Variants in C16orf89 observed in about 807,000 individuals in gnomAD.
The protein encoded by C16orf89 is chromosome 16 open reading frame 89, also known as UPF0764 protein C16orf89.
Under a neutral mutation model 41.5 loss-of-function variants are expected in C16orf89, and 57 were observed. The observed-to-expected ratio is 1.38, with a 90% CI of 1.11 to 1.71. The LOEUF (loss-of-function observed/expected upper bound fraction) is 1.71. C16orf89 is among the 40% of genes most tolerant of loss of function. The probability of loss-of-function intolerance (pLI) is 0.00; values close to 1 mark genes in which losing one functional copy is unlikely to be tolerated. For missense variants in C16orf89, 575 were observed against 445.9 expected (o/e 1.29, Z -2.61); for synonymous variants, 223 against 190.6 (o/e 1.17, Z -1.40).
intron 5 of C16orf89, 195 bp from the exon 6 acceptor site, chr16:5,055,545 G>A (rs147673703): frequency 1.7e-5 from 17 of 1,019,506 alleles, no homozygotes; most frequent in African/African-American, 8.1e-5. Context: ...CTTGTGTCCC[G>A]CCTCCCACTG....
chr16:5,043,705 A>G (rs56373587), downstream of C16orf89: 28,165 of 152,110 alleles, frequency 0.19, 2,696 homozygotes, highest in African/African-American at 0.22. Flanking sequence ...ATAGCCTTTA[A>G]GATATCAGTT....
At chr16:5,051,792 C>T (rs1328418689) in intron 6 of C16orf89, among the ~76,000 whole-genome samples, 1 of 152,124 alleles carries the variant, frequency 6.6e-6, no homozygotes, top group Non-Finnish European at 1.5e-5. Context: ...TCAAAATATG[C>T]TTCAAGGCTA....
chr16:5,051,440 A>G (rs913120990), intron 6 of C16orf89, among the ~76,000 whole-genome samples: 2 of 152,192 alleles, frequency 1.3e-5, no homozygotes, highest in African/African-American at 4.8e-5. Context: ...TCAAGAATGT[A>G]ATCCTATTTA....
intron 5 of C16orf89, 53 bp downstream of exon 5, chr16:5,056,000 T>TGTGTGTGTGTGTGTGTGTGTGTGTGTGTG (rs1956493569): frequency 9.1e-7 from 1 of 1,102,872 alleles, no homozygotes; most frequent in South Asian, 1.4e-5. Context: ...TGTGTGTGTG[T>TGTGTGTGTGTGTGTGTGTGTGTGTGTGTG]TGGTGGGGGG....
intron 3 of C16orf89, 24 bp from the exon 4 acceptor site, chr16:5,058,634 G>A (rs985800979): frequency 3.2e-6 from 5 of 1,565,052 alleles, no homozygotes; most frequent in Non-Finnish European, 4.4e-6. Context: ...GTTCCAAGCT[G>A]TTAAGGATGG....
rs1567159519 is a variant in C16orf89 at position 5,061,501 on chromosome 16, A to AG, written c.358+923_358+924insC. ...CACTGTCTCAAAAAAAAAAAAAAAA[A>AG]AAACCCCCCCAAAAAAAAAAACAAG... On this transcript the variant is annotated intron_variant, in intron 2 of 7. Coordinates refer to ENST00000472572, the MANE Select transcript of C16orf89 (RefSeq NM_001098514.3). Among the ~76,000 whole-genome samples the AG allele has an allele frequency of 5.6e-5, 5 of 88,902 alleles. 1 individual carries two copies. The highest frequency in any genetic ancestry group is 1.9e-4 in the African/African-American group (4 of 21,524). 58.3% of individuals were successfully genotyped at this position (88,902 alleles called of 152,430 possible). A position where few individuals can be genotyped will look rare whatever the true frequency, so the allele number is the denominator to read the frequency against.
Position 5,056,075 on chromosome 16 carries a change from G to A in C16orf89, c.741C>T (p.Thr247=). 1 of 1,595,976 alleles carries A rather than the reference G, an allele frequency of 6.3e-7. No individual in the cohort carries two copies. The highest frequency in any genetic ancestry group is 8.6e-7 in the Non-Finnish European group (1 of 1,164,956). ...RAEAIGYAYP[T]RDIFMENIMF... ...TACTGTTTTCCATGAAGATGTCCCGGGTAGGGTAGGCGTATCCGATGGCCT... is the reference window on the plus strand; with the variant it reads ...TACTGTTTTCCATGAAGATGTCCCGAGTAGGGTAGGCGTATCCGATGGCCT... Residue 247 remains threonine (T), a synonymous_variant, in exon 5 of 8, where the codon ACC becomes ACT. Coordinates refer to ENST00000472572, the MANE Select transcript of C16orf89 (RefSeq NM_001098514.3).
chr16:5,044,767 C>T, intron 7 of C16orf89: 1 of 1,121,642 alleles, frequency 8.9e-7, no homozygotes. Flanking sequence ...TTGCTTGAAC[C>T]CAGGAGGCAA....
At chr16:5,055,203 C>G (rs370310061) in intron 6 of C16orf89, 43 bp downstream of exon 6, 20 of 1,499,208 alleles carry the variant, frequency 1.3e-5, no homozygotes, top group African/African-American at 5.6e-5. Flanking sequence ...CCACCCCCAC[C>G]CCCACTGCCC....
chr16:5,062,621 C>G (rs1475041453), intron 1 of C16orf89, 47 bp from the exon 2 acceptor site: 2 of 1,506,120 alleles, frequency 1.3e-6, no homozygotes, highest in African/African-American at 1.4e-5. Context: ...GAATCGGGAC[C>G]TTTTTTTGCC....
chr16:5,044,000 A>T (rs1210783532), downstream of C16orf89: 14 of 84,058 alleles, frequency 1.7e-4, no homozygotes, highest in Non-Finnish European at 3.0e-4. Flanking sequence ...TCTATTAATT[A>T]AAAAAAAAAA....
At chr16:5,049,531 G>T (rs1956359951) in intron 6 of C16orf89, among the ~76,000 whole-genome samples, 3 of 152,132 alleles carry the variant, frequency 2.0e-5, no homozygotes, top group African/African-American at 4.8e-5. Context: ...AATAAAACTA[G>T]AAATCAATAA....
chr16:5,064,920 G>C (rs975118847), intron 1 of C16orf89, among the ~76,000 whole-genome samples: 3 of 152,218 alleles, frequency 2.0e-5, no homozygotes, highest in Non-Finnish European at 2.9e-5. Flanking sequence ...ATGACGGGGA[G>C]AGGGCACTGA....
At chr16:5,044,066 A>C (rs1567147844), downstream of C16orf89, 1 of 1,043,912 alleles carries the variant, frequency 9.6e-7, no homozygotes, top group Non-Finnish European at 1.2e-6. Flanking sequence ...GTTGAAACAG[A>C]CCAAGAGGTT....
intron 2 of C16orf89, 73 bp from the exon 3 acceptor site, chr16:5,060,509 C>T (rs1043746999): frequency 9.1e-5 from 131 of 1,445,832 alleles, no homozygotes; most frequent in Non-Finnish European, 1.2e-4. Flanking sequence ...CTGGTGTCCC[C>T]ACCTCCTCCT....
rs78880790 is a variant in C16orf89 at position 5,060,119 on chromosome 16, C to T, written c.509+167G>A. 5.1e-4 allele frequency: 402 copies of T among 789,124 alleles called. 13 individuals carry two copies. In the East Asian group the frequency reaches 0.01, roughly 20 times the overall value. 48.9% of individuals were successfully genotyped at this position (789,124 alleles called of 1,614,324 possible). A position where few individuals can be genotyped will look rare whatever the true frequency, so the allele number is the denominator to read the frequency against. ...GCGGGCGGCTGGAGCAAGGGGGACCCTGCTGGAGTAGGAGAGGGCAGTACC... is the reference window on the plus strand; with the variant it reads ...GCGGGCGGCTGGAGCAAGGGGGACCTTGCTGGAGTAGGAGAGGGCAGTACC... On this transcript the variant is annotated intron_variant, in intron 3 of 7. Coordinates refer to ENST00000472572, the MANE Select transcript of C16orf89 (RefSeq NM_001098514.3).
At chr16:5,055,717 G>A (rs1956485041) in intron 5 of C16orf89, 1 of 1,508,532 alleles carries the variant, frequency 6.6e-7, no homozygotes, top group Non-Finnish European at 8.8e-7. Context: ...TCCGTCACTG[G>A]GGCAGCCTTT....
downstream of C16orf89, chr16:5,043,477 C>T (rs1956239839): frequency 6.6e-6 from 1 of 152,238 alleles, no homozygotes; most frequent in Non-Finnish European, 1.5e-5. Flanking sequence ...CACAGAACCA[C>T]ACCATCAACC....
intron 2 of C16orf89, among the ~76,000 whole-genome samples, 155 bp from the exon 3 acceptor site, chr16:5,060,591 A>G (rs1053690710): frequency 6.6e-6 from 1 of 152,150 alleles, no homozygotes; most frequent in African/African-American, 2.4e-5. Flanking sequence ...TGGGTTTGAA[A>G]CACTCAAGAA....
Sources: gnomAD v4.1 joint callset for allele counts (sites outside exome capture counted in the v4.1 genomes callset) on GRCh38, gnomAD v4.1.1 for gene constraint, MANE v1.5 for transcripts, NCBI Gene and HGNC (gene_info 2026-07-23, HGNC 2026-07-21) for gene names.